The following PITX3 variants were observed in gnomAD, a reference collection of about 807,000 sequenced individuals.
The protein encoded by PITX3 is paired like homeodomain 3, also known as pituitary homeobox 3.
Under a neutral mutation model 14.2 loss-of-function variants are expected in PITX3, and 4 were observed. That is an observed-to-expected ratio of 0.28 (90% confidence interval 0.14 to 0.65). The LOEUF is 0.65. PITX3 is among the 30% of genes least tolerant of loss of function. The pLI, the probability that PITX3 is intolerant of heterozygous loss-of-function variation, is 0.82. For synonymous variants in PITX3, 194 were observed against 204.5 expected (o/e 0.95, Z 0.44); for missense variants, 358 against 426.8 (o/e 0.84, Z 1.42).
chr10:102,233,039 G>A (rs546002284), intron 1 of PITX3, among the ~76,000 whole-genome samples: 2 of 152,276 alleles, frequency 1.3e-5, no homozygotes, highest in South Asian at 2.1e-4. Context: ...TAAGCAGTGG[G>A]ATTGAGATCT....
At chr10:102,237,376 T>C (rs2070424067) in intron 1 of PITX3, among the ~76,000 whole-genome samples, 1 of 152,060 alleles carries the variant, frequency 6.6e-6, no homozygotes, top group Admixed American at 6.5e-5. Context: ...GGGAATAAGC[T>C]GGCAGGCTGG....
At chr10:102,239,397 A>G (rs2133815126) in intron 1 of PITX3, among the ~76,000 whole-genome samples, 1 of 152,356 alleles carries the variant, frequency 6.6e-6, no homozygotes, top group East Asian at 1.9e-4. Context: ...CCTGACACAG[A>G]GTCCTTCATT....
chr10:102,235,179 A>ACCC (rs1378736201), intron 1 of PITX3, among the ~76,000 whole-genome samples: 2 of 97,374 alleles, frequency 2.1e-5, no homozygotes, highest in African/African-American at 8.9e-5. Context: ...CCCACCCCCC[A>ACCC]CCCCCCCACC....
chr10:102,239,631 G>A (rs1418802018), intron 1 of PITX3, among the ~76,000 whole-genome samples: 1 of 152,232 alleles, frequency 6.6e-6, no homozygotes, highest in Non-Finnish European at 1.5e-5. Context: ...TCACTCACAG[G>A]TGAAGGGTAA....
chr10:102,234,537 A>G (rs1032629459), intron 1 of PITX3, among the ~76,000 whole-genome samples: 1 of 152,056 alleles, frequency 6.6e-6, no homozygotes, highest in South Asian at 2.1e-4. Context: ...TGGAAGGGAG[A>G]TGTCCCTGAG....
intron 1 of PITX3, among the ~76,000 whole-genome samples, chr10:102,238,131 A>G (rs1379920241): frequency 2.6e-5 from 4 of 151,850 alleles, no homozygotes; most frequent in Non-Finnish European, 5.9e-5. Flanking sequence ...TCTTCCCCCA[A>G]CTCTTACCCC....
At chr10:102,235,250 G>A (rs1236340471) in intron 1 of PITX3, among the ~76,000 whole-genome samples, 2 of 150,814 alleles carry the variant, frequency 1.3e-5, no homozygotes, top group Non-Finnish European at 2.9e-5. Flanking sequence ...TCTGTGTGGG[G>A]GAGGAGCAGG....
intron 2 of PITX3, 65 bp from the exon 3 acceptor site, chr10:102,231,855 A>G: frequency 6.3e-7 from 1 of 1,576,800 alleles, no homozygotes; most frequent in Non-Finnish European, 8.6e-7. Context: ...CGGCTCGGGG[A>G]CCTCCTAAGC....
intron 1 of PITX3, among the ~76,000 whole-genome samples, chr10:102,232,758 TCTCACCTGAATGCTTAGTATCCCCCTATA>T (rs1239929146): frequency 2.6e-5 from 4 of 152,164 alleles, no homozygotes; most frequent in Non-Finnish European, 5.9e-5. Flanking sequence ...TTAAAATCCT[TCTCACCTGAATGCTTAGTATCCCCCTATA>T]CTCATACATG....
In PITX3 at chr10:102,231,738, C is replaced by A; in HGVS notation, c.171G>T (p.Ser57=). The A allele has an allele frequency of 6.2e-7, 1 of 1,609,918 alleles. No homozygotes were observed. Among genetic ancestry groups the A allele is most frequent in the East Asian group, 2.2e-5 (1 of 44,738 alleles). ...SLPGGSPEDG[S]LKKKQRRQRT... is the part of the protein sequence containing the mutation. Reference sequence around the variant, plus strand: ...GCTGCCGCCGCTGCTTCTTTTTCAGCGAACCGTCCTCTGGGGAGCCGCCGG... The same window carrying A: ...GCTGCCGCCGCTGCTTCTTTTTCAGAGAACCGTCCTCTGGGGAGCCGCCGG... Residue 57 remains serine (S), a synonymous_variant, in exon 3 of 4, where the codon TCG becomes TCT. Transcript: ENST00000370002.
In PITX3 at chr10:102,241,075, G is replaced by C. The variant is rs140428925; in HGVS notation, c.-13+258C>G. 6.6e-6 allele frequency among the ~76,000 whole-genome samples: 1 copy of C among 152,204 alleles called. No homozygotes were observed. Among genetic ancestry groups the C allele is most frequent in the African/African-American group, 2.4e-5 (1 of 41,546 alleles). On this transcript the variant is annotated intron_variant, in intron 1 of 3. Transcript: ENST00000370002. This position sits in a 1 kb window ranked among gnomAD's most constrained non-coding sequence, Gnocchi z 6.7. ...CCAGACTCCCTACTCCCTGCCTCGCGAAGCCCCTATCCTGGTTTCAAGTCT... is the reference window on the plus strand; with the variant it reads ...CCAGACTCCCTACTCCCTGCCTCGCCAAGCCCCTATCCTGGTTTCAAGTCT...
chr10:102,230,796 C>T lies in PITX3; in HGVS notation c.627G>A (p.Val209=). Residue 209 remains valine, a synonymous_variant, in exon 4 of 4, where the codon GTG becomes GTA. Transcript: ENST00000370002. ...VPSAAAAPGT[V]PGPGALQGLG... is the part of the protein sequence containing the mutation. ...GGCCCTGCAGGGCCCCAGGCCCTGG[C>T]ACGGTGCCCGGGGCAGCCGCGGCGG... The T allele has an allele frequency of 6.5e-7, 1 of 1,549,470 alleles. No homozygotes were observed. Among genetic ancestry groups the T allele is most frequent in the African/African-American group, 1.4e-5 (1 of 72,852 alleles).
chr10:102,239,320 T>C (rs950308868), intron 1 of PITX3, among the ~76,000 whole-genome samples: 3 of 152,240 alleles, frequency 2.0e-5, no homozygotes, highest in African/African-American at 7.2e-5. Context: ...CTTTGGCCTT[T>C]TTGGCAAAAG....
intron 1 of PITX3, among the ~76,000 whole-genome samples, chr10:102,234,784 C>T (rs528328433): frequency 6.6e-6 from 1 of 152,312 alleles, no homozygotes; most frequent in East Asian, 1.9e-4. Context: ...CCCTTGCCAC[C>T]TAGCCTTCCA....
intron 1 of PITX3, among the ~76,000 whole-genome samples, chr10:102,235,179 A>ACC (rs1378736201): frequency 3.1e-5 from 3 of 97,374 alleles, no homozygotes; most frequent in African/African-American, 1.3e-4. Flanking sequence ...CCCACCCCCC[A>ACC]CCCCCCCACC....
chr10:102,238,902 C>G (rs2070466719), intron 1 of PITX3, among the ~76,000 whole-genome samples: 1 of 152,160 alleles, frequency 6.6e-6, no homozygotes, highest in Non-Finnish European at 1.5e-5. Flanking sequence ...ATTTCTACTT[C>G]CTGCCTCTAT....
intron 1 of PITX3, among the ~76,000 whole-genome samples, chr10:102,233,922 C>T (rs2070319939): frequency 6.6e-6 from 1 of 152,180 alleles, no homozygotes; most frequent in African/African-American, 2.4e-5. Context: ...CTCCCAGGAC[C>T]CCTCTGCTGC....
chr10:102,237,045 G>T (rs1311111803), intron 1 of PITX3, among the ~76,000 whole-genome samples: 1 of 152,168 alleles, frequency 6.6e-6, no homozygotes, highest in East Asian at 1.9e-4. Flanking sequence ...GACGATTCGG[G>T]GATCAGAGAA....
rs2281983 is a variant in PITX3, at chr10:102,231,624, G to C, written c.285C>G (p.Ile95Met). ...RYPDMSTREE[I>M]AVWTNLTEAR... ...CCTCGGTGAGGTTGGTCCACACGGC[G>C]ATCTCCTCGCGCGTGCTCATGTCGG... Residue 95 changes from isoleucine to methionine, a missense_variant, in exon 3 of 4, where the codon ATC becomes ATG. Ile to Met is a conservative substitution (Grantham distance 10). This residue lies in a region of PITX3 where 50 missense variants were observed against 96.7 expected (regional missense o/e 0.52). Coordinates refer to ENST00000370002, the MANE Select transcript of PITX3 (RefSeq NM_005029.4). 6.2e-7 allele frequency: 1 copy of C among 1,609,588 alleles called. No individual in the cohort carries two copies. Among genetic ancestry groups the C allele is most frequent in the Non-Finnish European group, 8.5e-7 (1 of 1,177,888 alleles).
Sources: allele counts gnomAD v4.1 joint callset (sites outside exome capture counted in the v4.1 genomes callset), GRCh38; gene constraint gnomAD v4.1.1; regional missense constraint gnomAD v4.1.1; non-coding constraint Gnocchi (gnomAD v3.1); transcripts MANE v1.5; gene names NCBI Gene and HGNC (gene_info 2026-07-23, HGNC 2026-07-21).